The following FAT1 variants were observed in gnomAD, a reference collection of about 807,000 sequenced individuals.
The protein encoded by FAT1 is protocadherin Fat 1.
In FAT1, 171 loss-of-function variants were observed where a neutral mutation model predicts 329.8. The observed-to-expected ratio is 0.52, with a 90% CI of 0.46 to 0.59. FAT1 has a LOEUF of 0.59. Ranked by LOEUF, FAT1 falls within the 20% of genes least tolerant of loss-of-function variation. The pLI, the probability that FAT1 is intolerant of heterozygous loss-of-function variation, is 0.00. For missense variants in FAT1, 5,672 were observed against 5,774.4 expected (o/e 0.98, Z 0.57); for synonymous variants, 2,233 against 2,228.6 (o/e 1.00, Z -0.06).
intron 7 of FAT1, 75 bp downstream of exon 7, chr4:186,633,609 A>G: frequency 5.2e-6 from 8 of 1,537,612 alleles, no homozygotes; most frequent in Non-Finnish European, 7.2e-6. Flanking sequence ...CACCGCTCAT[A>G]TTGCCCGTGG....
rs553042342 is a variant in FAT1 at position 186,661,158 on chromosome 4, T to C, written c.3580+2141A>G. ...GTACATATTTGTTTCTGTCCATGGTTCCTGGCTCGTTAACTCCCAGAACCC... is the reference window on the plus strand; with the variant it reads ...GTACATATTTGTTTCTGTCCATGGTCCCTGGCTCGTTAACTCCCAGAACCC... On this transcript the variant is annotated intron_variant, in intron 3 of 26. Transcript: ENST00000441802. 1.6e-4 allele frequency among the ~76,000 whole-genome samples: 24 copies of C among 152,326 alleles called. No homozygotes were observed. In the South Asian group the frequency reaches 4.6e-3, roughly 29 times the overall value.
chr4:186,697,361 G>A lies in FAT1; in HGVS notation c.3265+9202C>T, dbSNP rs543314022. 3.9e-5 allele frequency among the ~76,000 whole-genome samples: 6 copies of A among 152,312 alleles called. No individual in the cohort carries two copies. The East Asian group carries it at 9.7e-4, about 25-fold the overall frequency. ...GCAGCGTCTGTGGAGGGCCGGCTGC[G>A]GGACCTCAGAACGCACAGATGTGGG... is the stretch of plus-strand genomic sequence containing the variant. On this transcript the variant is annotated intron_variant, in intron 2 of 26. Transcript: ENST00000441802.
intron 1 of FAT1, among the ~76,000 whole-genome samples, chr4:186,721,247 G>A (rs781345032): frequency 2.0e-5 from 3 of 151,380 alleles, no homozygotes; most frequent in Non-Finnish European, 4.4e-5. Context: ...TACAGTAAAA[G>A]ATGACTTAAA....
chr4:186,643,444 T>C (rs1022477003), intron 3 of FAT1, among the ~76,000 whole-genome samples: 1 of 152,174 alleles, frequency 6.6e-6, no homozygotes, highest in Admixed American at 6.5e-5. Flanking sequence ...CCGTAGTGCT[T>C]TTCCCTAATG....
intron 2 of FAT1, among the ~76,000 whole-genome samples, chr4:186,696,134 T>G (rs1431702144): frequency 1.3e-5 from 2 of 152,134 alleles, no homozygotes; most frequent in African/African-American, 4.8e-5. Context: ...GACCTTAAAC[T>G]CTAATCTTGA....
chr4:186,618,112 C>G lies in FAT1; in HGVS notation c.8474G>C (p.Gly2825Ala), dbSNP rs1267389940. The change falls in exon 10 of 27, where the codon GGA becomes GCA. Residue 2825 changes from glycine to alanine, a missense_variant. This residue lies in a region of FAT1 where 3,966 missense variants were observed against 3,915.2 expected (regional missense o/e 1.01). Coordinates refer to ENST00000441802, the MANE Select transcript of FAT1 (RefSeq NM_005245.4). ...TGCCCTGATCTGAATTACTCTACTT[C>G]CCCCTGGCAGGTTTTCAACAATGAA... ...EAFIVENLPG[G>A]SRVIQIRASD... The G allele has an allele frequency of 6.2e-7, 1 of 1,614,004 alleles. No individual in the cohort carries two copies. The highest frequency in any genetic ancestry group is 1.3e-5 in the African/African-American group (1 of 75,056).
At chr4:186,648,034 C>T (rs988491384) in intron 3 of FAT1, among the ~76,000 whole-genome samples, 1 of 152,132 alleles carries the variant, frequency 6.6e-6, no homozygotes, top group African/African-American at 2.4e-5. Flanking sequence ...CAAAAACCAG[C>T]AAGGCAAGGG....
Position 186,601,366 on chromosome 4 carries a change from T to C in FAT1, c.11543A>G (p.Glu3848Gly). 1 of 1,613,678 alleles carries C rather than the reference T, an allele frequency of 6.2e-7. No individual in the cohort carries two copies. Among genetic ancestry groups the C allele is most frequent in the Non-Finnish European group, 8.5e-7 (1 of 1,179,608 alleles). The change falls in exon 21 of 27, where the codon GAA becomes GGA. Residue 3848 changes from glutamate to glycine, a missense_variant. Glu to Gly is a moderately conservative substitution (Grantham distance 98). This residue lies in a region of FAT1 where 1,706 missense variants were observed against 1,859.1 expected (regional missense o/e 0.92). Coordinates refer to ENST00000441802, the MANE Select transcript of FAT1 (RefSeq NM_005245.4). Reference sequence around the variant, plus strand: ...GGTCAGTTTCATCTCTAATTTGTTTTCATTTTCCGTCAGACGGTATTTCAC... The same window carrying C: ...GGTCAGTTTCATCTCTAATTTGTTTCCATTTTCCGTCAGACGGTATTTCAC... ...SYVKYRLTEN[E>G]NKLEMKLTMR...
chr4:186,698,716 T>A (rs901862608), intron 2 of FAT1, among the ~76,000 whole-genome samples: 7 of 152,064 alleles, frequency 4.6e-5, no homozygotes, highest in Non-Finnish European at 7.4e-5. Flanking sequence ...ACGGGTGATG[T>A]TAAATGGGAG....
rs919414802 is a variant in FAT1 at position 186,596,502 on chromosome 4, C to T, written c.13000+38G>A. ...GAATTTGTAACCTCACTGTTTATCT[C>T]AAGTGACACTTTAGTGAGATGAAAA... is the stretch of plus-strand genomic sequence containing the variant. On this transcript the variant is annotated intron_variant, in intron 25 of 26. Transcript: ENST00000441802. This position sits in a 1 kb window ranked among gnomAD's most constrained non-coding sequence, Gnocchi z 4.7. The T allele has an allele frequency of 1.9e-6, 3 of 1,579,056 alleles. No individual in the cohort carries two copies. Among genetic ancestry groups the T allele is most frequent in the Non-Finnish European group, 2.6e-6 (3 of 1,164,842 alleles).
chr4:186,715,083 C>CAA lies in FAT1; in HGVS notation c.-18-5240_-18-5239dup, dbSNP rs11433462. ...ACAGAGCAAGACTCTGTCTCAAAAA[C>CAA]AAAAAAAAAAGTACTTGCTGATGCG... is the stretch of plus-strand genomic sequence containing the variant. On this transcript the variant is annotated intron_variant, in intron 1 of 26. Transcript: ENST00000441802. 8.1e-5 allele frequency among the ~76,000 whole-genome samples: 12 copies of CAA among 148,856 alleles called. No homozygotes were observed. In the East Asian group the frequency reaches 2.2e-3, roughly 27 times the overall value.
rs745695748 is a variant in FAT1 at position 186,597,746 on chromosome 4, C to T, written c.12304G>A (p.Gly4102Arg). Residue 4102 changes from glycine (G) to arginine (R), a missense_variant, in exon 24 of 27, where the codon GGA (glycine) becomes AGA (arginine). Around this residue, in one of 2 missense-constraint regions of FAT1, gnomAD observed 1,706 missense variants for 1,859.1 expected, o/e 0.92. Coordinates refer to ENST00000441802, the MANE Select transcript of FAT1 (RefSeq NM_005245.4). ...YCKDEPCKNGGTCFDSLDGAV... is the reference protein window; with the variant it reads ...YCKDEPCKNGRTCFDSLDGAV... ...CCATCCAAACTGTCAAAGCATGTTC[C>T]GCCATTCTTACAGGGTTCATCTTTG... 8 of 1,613,766 alleles carry T rather than the reference C, an allele frequency of 5.0e-6. No individual in the cohort carries two copies. Among genetic ancestry groups the T allele is most frequent in the Admixed American group, 1.7e-5 (1 of 59,996 alleles).
Position 186,707,406 on chromosome 4 carries a change from G to C in FAT1, c.2422C>G (p.Leu808Val), listed in dbSNP as rs760488335. ...GIPQKAAWRL[L>V]HVVVVDANDN... ...TTGGCATCGACAACCACGACATGTA[G>C]AAGACGCCACGCAGCCTTCTGGGGT... Residue 808 changes from leucine to valine, a missense_variant, in exon 2 of 27, where the codon CTA (leucine) becomes GTA (valine). Transcript: ENST00000441802. The C allele has an allele frequency of 1.4e-5, 22 of 1,614,014 alleles. No individual in the cohort carries two copies. In the South Asian group the frequency reaches 2.2e-4, roughly 16 times the overall value.
intron 2 of FAT1, among the ~76,000 whole-genome samples, chr4:186,700,626 C>A (rs939579404): frequency 2.0e-5 from 3 of 151,854 alleles, no homozygotes; most frequent in African/African-American, 7.2e-5. Context: ...CGTTTTTGAA[C>A]AGGCTCCCTC....
chr4:186,617,629 A>G (rs1739774046), intron 10 of FAT1, 79 bp downstream of exon 10: 23 of 1,206,206 alleles, frequency 1.9e-5, no homozygotes, highest in Non-Finnish European at 2.5e-5. Flanking sequence ...CCCAATTTCC[A>G]TACAATACAG....
At position 186,706,805 on chromosome 4, in the gene FAT1, T is replaced by G; in HGVS notation, c.3023A>C (p.Lys1008Thr). The G allele has an allele frequency of 1.9e-6, 3 of 1,614,024 alleles. No homozygotes were observed. Among genetic ancestry groups the G allele is most frequent in the Non-Finnish European group, 2.5e-6 (3 of 1,179,902 alleles). Reference sequence around the variant, plus strand: ...GCAAGTAGAAGACAGAGAAACTGGCTTTCCCTTGTCTTTGGCCCTCACAGT... The same window carrying G: ...GCAAGTAGAAGACAGAGAAACTGGCGTTCCCTTGTCTTTGGCCCTCACAGT... ...NLTVRAKDKG[K>T]PVSLSSTCYV... Residue 1008 changes from lysine (K) to threonine (T), a missense_variant, in exon 2 of 27, where the codon AAG (lysine) becomes ACG (threonine). By Grantham distance (78) the Lys-to-Thr change is moderately conservative. Around this residue, in one of 2 missense-constraint regions of FAT1, gnomAD observed 3,966 missense variants for 3,915.2 expected, o/e 1.01. Transcript: ENST00000441802.
intron 2 of FAT1, among the ~76,000 whole-genome samples, chr4:186,676,772 G>A (rs769673212): frequency 6.6e-6 from 1 of 152,316 alleles, no homozygotes; most frequent in African/African-American, 2.4e-5. Context: ...TGGAGTCCTA[G>A]AATGCACACA....
chr4:186,606,013 C>G (rs1401216359), intron 17 of FAT1, 57 bp downstream of exon 17: 1 of 1,517,038 alleles, frequency 6.6e-7, no homozygotes, highest in African/African-American at 1.4e-5. Context: ...GCAACAGAGG[C>G]CAATGGAAAA....
chr4:186,609,314 C>T lies in FAT1; in HGVS notation c.10075G>A (p.Ala3359Thr). ...VLEQSVITVM[A>T]DDADGPSNSH... ...TTGGAAGGTCCATCGGCATCATCGGCCATAACCTAGAACACACCACACTCC... is the reference window on the plus strand; with the variant it reads ...TTGGAAGGTCCATCGGCATCATCGGTCATAACCTAGAACACACCACACTCC... Residue 3359 changes from alanine (A) to threonine (T), a missense_variant, in exon 16 of 27, where the codon GCC (alanine) becomes ACC (threonine). Around this residue, in one of 2 missense-constraint regions of FAT1, gnomAD observed 1,706 missense variants for 1,859.1 expected, o/e 0.92. Transcript: ENST00000441802. 1 of 1,613,824 alleles carries T rather than the reference C, an allele frequency of 6.2e-7. No individual in the cohort carries two copies. Among genetic ancestry groups the T allele is most frequent in the Non-Finnish European group, 8.5e-7 (1 of 1,179,796 alleles).
Sources: allele counts gnomAD v4.1 joint callset (sites outside exome capture counted in the v4.1 genomes callset), GRCh38; gene constraint gnomAD v4.1.1; regional missense constraint gnomAD v4.1.1; non-coding constraint Gnocchi (gnomAD v3.1); transcripts MANE v1.5; gene names NCBI Gene and HGNC (gene_info 2026-07-23, HGNC 2026-07-21).